Variants in ZDHHC11B observed in about 807,000 individuals in gnomAD.
ZDHHC11B encodes the protein probable palmitoyltransferase ZDHHC11B.
A neutral mutation model predicts 42.3 loss-of-function variants in ZDHHC11B; 17 were observed. The observed-to-expected ratio is 0.40, with a 90% confidence interval of 0.27 to 0.60. The LOEUF is 0.60. Among genes scored for constraint, ZDHHC11B ranks in the 20% least tolerant of loss-of-function variants. The pLI, the probability that ZDHHC11B is intolerant of heterozygous loss-of-function variation, is 0.41. For missense variants in ZDHHC11B, 262 were observed against 463.2 expected, an observed-to-expected ratio of 0.57 and a Z score of 3.99; for synonymous variants, 123 against 193.5, an observed-to-expected ratio of 0.64 and a Z score of 3.02.
chr5:731,941 C>T (rs1285215036), intron 11 of ZDHHC11B: 2 of 152,370 alleles, frequency 1.3e-5, no homozygotes, highest in Non-Finnish European at 2.9e-5. Flanking sequence ...CAAACCCTTC[C>T]ATGTCTCCCC....
intron 10 of ZDHHC11B, 79 bp from the exon 11 acceptor site, chr5:733,918 G>A (rs406638): frequency 0.42 from 504,466 of 1,205,348 alleles, 77,668 homozygotes; most frequent in African/African-American, 0.77. Flanking sequence ...GCTGCACCGC[G>A]TCGTGTCAGC....
At chr5:776,630 AC>A (rs1579462364) in intron 1 of ZDHHC11B, among the ~76,000 whole-genome samples, 1 of 151,936 alleles carries the variant, frequency 6.6e-6, no homozygotes, top group East Asian at 1.9e-4. Flanking sequence ...GACCACAGCG[AC>A]CCGAAGCCCC....
At chr5:744,969 A>G (rs1452460050) in intron 9 of ZDHHC11B, among the ~76,000 whole-genome samples, 1 of 147,098 alleles carries the variant, frequency 6.8e-6, no homozygotes, top group Non-Finnish European at 1.5e-5. Flanking sequence ...CTATCTTTGC[A>G]CTAGGAAGTC....
At position 760,870 on chromosome 5, in the gene ZDHHC11B, G is replaced by C. The variant is rs1451854832; in HGVS notation, c.223-4726C>G. On this transcript the variant is annotated intron_variant, in intron 4 of 13. Transcript: ENST00000508859. The stretch of plus-strand genomic sequence containing the variant: ...TCCCCACCTACAGGGCCTCCTGACA[G>C]TGCAGCGGGACAGGCCACCACCACC... Among the ~76,000 whole-genome samples, 9 of 145,966 alleles carry C rather than the reference G, an allele frequency of 6.2e-5. 1 individual carries two copies. Among genetic ancestry groups the C allele is most frequent in the Non-Finnish European group, 1.4e-4 (9 of 66,152 alleles).
rs548809468 is a variant in ZDHHC11B at position 773,029 on chromosome 5, G to A, written c.-229-4099C>T. Among the ~76,000 whole-genome samples, 27 of 152,094 alleles carry A rather than the reference G, an allele frequency of 1.8e-4. No individual in the cohort carries two copies. In the East Asian group the frequency reaches 1.9e-3, roughly 11 times the overall value. Reference sequence around the variant, plus strand: ...TGCTGGGTCTGGAGGAGCAGGACACGGGCCACACACACAGATCAGGAGCGG... The same window carrying A: ...TGCTGGGTCTGGAGGAGCAGGACACAGGCCACACACACAGATCAGGAGCGG... On this transcript the variant is annotated intron_variant, in intron 1 of 13. Transcript: ENST00000508859.
chr5:722,994 A>G (rs901084906), intron 12 of ZDHHC11B, among the ~76,000 whole-genome samples: 11 of 151,670 alleles, frequency 7.3e-5, no homozygotes, highest in South Asian at 6.2e-4. Context: ...ATATACATCT[A>G]TATCTATATA....
At chr5:777,223 G>A (rs1396431125) in intron 1 of ZDHHC11B, among the ~76,000 whole-genome samples, 6 of 151,972 alleles carry the variant, frequency 3.9e-5, no homozygotes, top group East Asian at 3.9e-4. Context: ...GCGGACTCTC[G>A]CAGTGAGTGT....
chr5:732,511 C>T (rs1312396547), intron 11 of ZDHHC11B: 1 of 361,802 alleles, frequency 2.8e-6, no homozygotes, highest in African/African-American at 2.1e-5. Flanking sequence ...CGATTGGTTT[C>T]CACTGAGTGT....
rs1354852606 is a variant in ZDHHC11B, at chr5:712,103, C to T, written c.*187G>A. The T allele has an allele frequency of 8.7e-6, 1 of 115,116 alleles. No individual in the cohort carries two copies. The highest frequency in any genetic ancestry group is 1.8e-5 in the Non-Finnish European group (1 of 54,868). 7.1% of individuals were successfully genotyped at this position (115,116 alleles called of 1,614,324 possible). ...GATGATGACAGAGATGGATGCTGGG[C>T]TCTGAGGGTCCTGGTTCCTTCGAAG... On this transcript the variant is annotated 3_prime_UTR_variant, in exon 14 of 14. Transcript: ENST00000508859.
chr5:713,773 C>T (rs1172903441), intron 13 of ZDHHC11B, among the ~76,000 whole-genome samples: 1 of 151,956 alleles, frequency 6.6e-6, no homozygotes, highest in South Asian at 2.1e-4. Flanking sequence ...CTGATCCCCC[C>T]TGATTCCTTT....
chr5:732,681 G>A, intron 11 of ZDHHC11B: 2 of 447,784 alleles, frequency 4.5e-6, no homozygotes, highest in Admixed American at 2.4e-5. Context: ...CCACAGGGAA[G>A]GACAAGTCAC....
chr5:744,160 C>T (rs6555453), intron 9 of ZDHHC11B, among the ~76,000 whole-genome samples: 126,947 of 149,314 alleles, frequency 0.85, 55,102 homozygotes, highest in East Asian at 0.97. Flanking sequence ...AGGCACTGCT[C>T]ACCCCTGGAG....
At chr5:750,053 G>A (rs1204415894) in intron 7 of ZDHHC11B, among the ~76,000 whole-genome samples, 9 of 107,150 alleles carry the variant, frequency 8.4e-5, no homozygotes, top group African/African-American at 2.9e-4. Flanking sequence ...GCTCCGGAAT[G>A]TTCTGGAACA....
At chr5:722,498 G>C (rs1427351332) in intron 12 of ZDHHC11B, among the ~76,000 whole-genome samples, 1 of 151,580 alleles carries the variant, frequency 6.6e-6, no homozygotes, top group Non-Finnish European at 1.5e-5. Flanking sequence ...TAAGCCACCA[G>C]TTCACACTAC....
At chr5:714,970 G>A (rs563381512) in intron 13 of ZDHHC11B, among the ~76,000 whole-genome samples, 3 of 151,216 alleles carry the variant, frequency 2.0e-5, no homozygotes, top group East Asian at 3.9e-4. Flanking sequence ...CCAGCCCTTC[G>A]CCTCCTCTCT....
intron 12 of ZDHHC11B, among the ~76,000 whole-genome samples, chr5:722,334 T>C (rs1742251707): frequency 6.6e-6 from 1 of 151,602 alleles, no homozygotes; most frequent in Non-Finnish European, 1.5e-5. Flanking sequence ...AAAGAATATA[T>C]AAAAACTCAT....
chr5:762,969 G>A (rs190673679), intron 4 of ZDHHC11B, among the ~76,000 whole-genome samples: 94 of 151,838 alleles, frequency 6.2e-4, no homozygotes, highest in African/African-American at 2.1e-3. Flanking sequence ...GAAGGAAGGC[G>A]CAGCACTCAG....
chr5:769,160 TACC>T (rs1292952487), intron 1 of ZDHHC11B, among the ~76,000 whole-genome samples: 1 of 111,238 alleles, frequency 9.0e-6, no homozygotes, highest in East Asian at 2.6e-4. Context: ...CAATAAAAAA[TACC>T]ACATCTTTGG....
Position 725,183 on chromosome 5 carries a change from T to G in ZDHHC11B, c.1058+5251A>C, listed in dbSNP as rs532512072. Among the ~76,000 whole-genome samples, 20 of 151,182 alleles carry G rather than the reference T, an allele frequency of 1.3e-4. No individual in the cohort carries two copies. In the South Asian group the frequency reaches 4.2e-3, roughly 32 times the overall value. On this transcript the variant is annotated intron_variant, in intron 12 of 13. Coordinates refer to ENST00000508859, the MANE Select transcript of ZDHHC11B (RefSeq NM_001351303.2). ...ATCTCACTCTCAACTCCCTGCCTTG[T>G]GAGGACAAGCAGAGGAGGCCATCGG...
Sources: allele counts gnomAD v4.1 joint callset (sites outside exome capture counted in the v4.1 genomes callset), GRCh38; gene constraint gnomAD v4.1.1; transcripts MANE v1.5; gene names NCBI Gene and HGNC (gene_info 2026-07-23, HGNC 2026-07-21).